Variants in COL5A2 observed in about 807,000 individuals in gnomAD.
COL5A2 encodes the protein collagen type V alpha 2 chain.
COL5A2 carries 23 observed loss-of-function variants against 208.2 expected under a neutral mutation model. That is an observed-to-expected ratio of 0.11 (90% CI 0.08 to 0.16). The LOEUF (loss-of-function observed/expected upper bound fraction) is 0.16, where lower values mean the gene tolerates loss of function less well. Among genes scored for constraint, COL5A2 ranks in the 10% least tolerant of loss-of-function variants. The pLI is 1.00. For synonymous variants in COL5A2, 625 were observed against 628.5 expected (o/e 0.99, Z 0.08); for missense variants, 1,590 against 1,956.4 (o/e 0.81, Z 3.53).
the COL5A2 span, among the ~76,000 whole-genome samples, chr2:189,338,560 A>T: frequency 6.6e-6 from 1 of 151,942 alleles, no homozygotes; most frequent in South Asian, 2.1e-4. Flanking sequence ...CCAAATAATA[A>T]AATACCTGGT....
chr2:189,257,772 A>G, the COL5A2 span, among the ~76,000 whole-genome samples: 1 of 152,244 alleles, frequency 6.6e-6, no homozygotes, highest in African/African-American at 2.4e-5. Context: ...GAAGTATTTT[A>G]TTTCAACCAA....
the COL5A2 span, among the ~76,000 whole-genome samples, chr2:189,348,083 T>A: frequency 6.6e-6 from 1 of 152,010 alleles, no homozygotes; most frequent in South Asian, 2.1e-4. Context: ...AAGGAGGGTA[T>A]GTGGGAAATT....
the COL5A2 span, among the ~76,000 whole-genome samples, chr2:189,321,813 T>C: frequency 4.6e-5 from 7 of 152,224 alleles, no homozygotes; most frequent in African/African-American, 1.7e-4. Flanking sequence ...AATTCAGCTC[T>C]GCACCAAGCA....
At chr2:189,295,883 C>T in the COL5A2 span, among the ~76,000 whole-genome samples, 1 of 152,190 alleles carries the variant, frequency 6.6e-6, no homozygotes, top group Non-Finnish European at 1.5e-5. Flanking sequence ...TGAAATCCCA[C>T]ATCAATCAAA....
chr2:189,052,466 T>G (rs1034176251), intron 40 of COL5A2, among the ~76,000 whole-genome samples: 2 of 152,230 alleles, frequency 1.3e-5, no homozygotes, highest in Non-Finnish European at 2.9e-5. Context: ...TGATATTTTA[T>G]ACAATCAAAT....
the COL5A2 span, among the ~76,000 whole-genome samples, chr2:189,344,553 C>T: frequency 1.3e-5 from 2 of 152,122 alleles, no homozygotes; most frequent in Non-Finnish European, 2.9e-5. Flanking sequence ...AATCCACCTG[C>T]TGCAGCAACA....
chr2:189,244,572 A>G, the COL5A2 span, among the ~76,000 whole-genome samples: 2 of 152,274 alleles, frequency 1.3e-5, no homozygotes, highest in African/African-American at 4.8e-5. Context: ...CAAGTTCCTC[A>G]TCTCCATGTG....
At chr2:189,168,230 T>C (rs1277781473) in intron 1 of COL5A2, among the ~76,000 whole-genome samples, 1 of 124,292 alleles carries the variant, frequency 8.0e-6, no homozygotes, top group African/African-American at 2.7e-5. Flanking sequence ...TGAGCCACTG[T>C]GCCCGGGTTT....
intron 1 of COL5A2, among the ~76,000 whole-genome samples, chr2:189,115,945 C>A (rs563015268): frequency 2.0e-5 from 3 of 152,292 alleles, no homozygotes; most frequent in African/African-American, 4.8e-5. Context: ...GTGGTTCTTA[C>A]CAGGTGTGTC....
At chr2:189,241,767 A>G in the COL5A2 span, among the ~76,000 whole-genome samples, 2 of 152,228 alleles carry the variant, frequency 1.3e-5, no homozygotes, top group East Asian at 3.8e-4. Context: ...AAGGTTAAGA[A>G]ATAAAGTAGT....
At chr2:189,369,010 A>C in the COL5A2 span, among the ~76,000 whole-genome samples, 1 of 152,212 alleles carries the variant, frequency 6.6e-6, no homozygotes, top group African/African-American at 2.4e-5. Context: ...TTGTGCCATG[A>C]GAATGTGTCC....
At chr2:189,246,952 C>T in the COL5A2 span, among the ~76,000 whole-genome samples, 245 of 152,256 alleles carry the variant, frequency 1.6e-3, no homozygotes, top group African/African-American at 5.3e-3. Flanking sequence ...ATTGCTTCTA[C>T]CCAAAGTTAA....
At chr2:189,375,020 C>CTT in the COL5A2 span, among the ~76,000 whole-genome samples, 1 of 143,888 alleles carries the variant, frequency 6.9e-6, no homozygotes. Flanking sequence ...ATTTTTATAT[C>CTT]TTTTTTTTTT....
chr2:189,288,623 C>T, the COL5A2 span, among the ~76,000 whole-genome samples: 1 of 152,096 alleles, frequency 6.6e-6, no homozygotes, highest in Admixed American at 6.5e-5. Flanking sequence ...GGCTTCACTG[C>T]TTTTACCAAA....
intron 39 of COL5A2, 46 bp downstream of exon 39, chr2:189,052,865 A>T: frequency 6.2e-7 from 1 of 1,610,916 alleles, no homozygotes; most frequent in Non-Finnish European, 8.5e-7. Flanking sequence ...TACACTCCAA[A>T]CATGGGGCAC....
At chr2:189,214,297 G>A (rs1466534601) in intron 1 of COL5A2, among the ~76,000 whole-genome samples, 1 of 151,788 alleles carries the variant, frequency 6.6e-6, no homozygotes, top group East Asian at 1.9e-4. Context: ...AACAATAGCA[G>A]CTTGATTAAA....
At chr2:189,308,342 A>C in the COL5A2 span, among the ~76,000 whole-genome samples, 1 of 152,068 alleles carries the variant, frequency 6.6e-6, no homozygotes, top group African/African-American at 2.4e-5. Context: ...ATTAACATTA[A>C]GCAATAAGAC....
At chr2:189,287,173 T>TA in the COL5A2 span, among the ~76,000 whole-genome samples, 33 of 148,490 alleles carry the variant, frequency 2.2e-4, no homozygotes, top group Middle Eastern at 3.5e-3. Context: ...ATATAAAAAT[T>TA]AAAAAAAAAA....
intron 40 of COL5A2, among the ~76,000 whole-genome samples, 198 bp from the exon 41 acceptor site, chr2:189,052,423 C>T (rs1004637569): frequency 2.0e-5 from 3 of 152,024 alleles, no homozygotes; most frequent in Admixed American, 2.0e-4. Flanking sequence ...GCACTATTTT[C>T]CTTTTTCCAT....
Sources: allele counts gnomAD v4.1 joint callset (sites outside exome capture counted in the v4.1 genomes callset), GRCh38; gene constraint gnomAD v4.1.1; transcripts MANE v1.5; gene names NCBI Gene and HGNC (gene_info 2026-07-23, HGNC 2026-07-21).